Variants in BTBD16 observed in about 807,000 individuals in gnomAD.
BTBD16 encodes the protein BTB domain containing 16.
Under a neutral mutation model 67.4 loss-of-function variants are expected in BTBD16, and 66 were observed. The ratio of observed to expected loss-of-function variants is 0.98; its 90% CI spans 0.80 to 1.20. The LOEUF (loss-of-function observed/expected upper bound fraction) is 1.20, where lower values mean the gene tolerates loss of function less well. Ranked by LOEUF, BTBD16 falls within the 50% of genes most tolerant of loss-of-function variation. BTBD16 has a pLI of 0.00. For synonymous variants in BTBD16, 242 were observed against 236.4 expected (o/e 1.02, Z -0.22); for missense variants, 634 against 616.0 (o/e 1.03, Z -0.31).
At chr10:122,288,147 G>A (rs2096367180) in intron 5 of BTBD16, among the ~76,000 whole-genome samples, 1 of 152,150 alleles carries the variant, frequency 6.6e-6, no homozygotes, top group Non-Finnish European at 1.5e-5. Flanking sequence ...GGGAAAGCAT[G>A]ACAAATATTG....
intron 3 of BTBD16, among the ~76,000 whole-genome samples, chr10:122,279,306 C>T (rs1203659467): frequency 1.3e-5 from 2 of 151,906 alleles, no homozygotes; most frequent in Non-Finnish European, 2.9e-5. Flanking sequence ...TGGTGAGACC[C>T]TGTCTTTACA....
chr10:122,295,628 G>T (rs1033726185), intron 7 of BTBD16, among the ~76,000 whole-genome samples: 1 of 152,182 alleles, frequency 6.6e-6, no homozygotes, highest in Non-Finnish European at 1.5e-5. Context: ...TCTGAACTAG[G>T]CAGGGGAAGT....
chr10:122,279,549 T>A (rs2096348164), intron 3 of BTBD16, among the ~76,000 whole-genome samples: 1 of 54,720 alleles, frequency 1.8e-5, no homozygotes, highest in African/African-American at 4.3e-5. Context: ...CACACACATC[T>A]TTTCTTTGTG....
rs144373790 is a variant in BTBD16, at chr10:122,330,883, C to A, written c.1004-293C>A. ...AGCTGGGATTAAAGATGTGCACCAC[C>A]ACGCGCAGCTAGTTTTAGTAGTGGT... On this transcript the variant is annotated intron_variant, in intron 11 of 15. Transcript: ENST00000260723. 1.5e-4 allele frequency among the ~76,000 whole-genome samples: 23 copies of A among 152,336 alleles called. 1 individual carries two copies. The highest frequency in any genetic ancestry group is 1.2e-3 in the East Asian group (6 of 5,190).
chr10:122,277,124 T>A (rs1400941133), intron 3 of BTBD16, among the ~76,000 whole-genome samples, 185 bp downstream of exon 3: 2 of 151,848 alleles, frequency 1.3e-5, no homozygotes, highest in African/African-American at 4.8e-5. Context: ...TCTGAGAATG[T>A]GGGTGGTTAC....
chr10:122,299,186 A>G, intron 9 of BTBD16, 52 bp downstream of exon 9: 1 of 1,599,982 alleles, frequency 6.3e-7, no homozygotes, highest in Non-Finnish European at 8.5e-7. Flanking sequence ...GGGAGAAAGT[A>G]GGGGCCAGGC....
At chr10:122,316,368 C>G (rs907988260) in intron 10 of BTBD16, among the ~76,000 whole-genome samples, 1 of 152,200 alleles carries the variant, frequency 6.6e-6, no homozygotes, top group Non-Finnish European at 1.5e-5. Flanking sequence ...TTCTATCACT[C>G]TAGATTTGTT....
chr10:122,337,595 G>C (rs1174102228), intron 15 of BTBD16, among the ~76,000 whole-genome samples: 1 of 152,164 alleles, frequency 6.6e-6, no homozygotes, highest in Non-Finnish European at 1.5e-5. Context: ...CTCCTGATTA[G>C]CTGGGACTAC....
intron 10 of BTBD16, among the ~76,000 whole-genome samples, chr10:122,312,560 C>T (rs532095371): frequency 5.3e-5 from 8 of 151,930 alleles, no homozygotes; most frequent in South Asian, 2.1e-4. Flanking sequence ...GTGATCCACC[C>T]GCCTTGGTCT....
In BTBD16 at chr10:122,329,473, T is replaced by C. The variant is rs775494647; in HGVS notation, c.912-7T>C. The C allele has an allele frequency of 2.5e-6, 4 of 1,613,572 alleles. No individual in the cohort carries two copies. The highest frequency in any genetic ancestry group is 1.1e-5 in the South Asian group (1 of 91,082). ...GGTCTGTTATTCTTCTTTATGCCTCTGCTAAGCTTTCCTGAGAACTGTTGC... is the reference window on the plus strand; with the variant it reads ...GGTCTGTTATTCTTCTTTATGCCTCCGCTAAGCTTTCCTGAGAACTGTTGC... On this transcript the variant is annotated splice_region_variant and splice_polypyrimidine_tract_variant and intron_variant, in intron 10 of 15. Transcript: ENST00000260723.
chr10:122,307,561 A>G (rs1186121175), intron 10 of BTBD16, among the ~76,000 whole-genome samples: 3 of 152,140 alleles, frequency 2.0e-5, no homozygotes, highest in Non-Finnish European at 4.4e-5. Flanking sequence ...GTCCAGTAAC[A>G]GGCATGAGGC....
chr10:122,307,212 A>C lies in BTBD16; in HGVS notation c.815A>C (p.His272Pro). 6.2e-7 allele frequency: 1 copy of C among 1,605,282 alleles called. No homozygotes were observed. Among genetic ancestry groups the C allele is most frequent in the Non-Finnish European group, 8.5e-7 (1 of 1,177,466 alleles). Residue 272 changes from histidine to proline, a missense_variant, in exon 10 of 16, where the codon CAT (histidine) becomes CCT (proline). Transcript: ENST00000260723. Reference sequence around the variant, plus strand: ...AGGTTATTTACCTTTAGTGAATTCCATCTTCTGAAAACAATGCTTTTGTGG... The same window carrying C: ...AGGTTATTTACCTTTAGTGAATTCCCTCTTCTGAAAACAATGCTTTTGTGG... ...SPRLFTFSEFHLLKTMLLWVF... is the reference protein window; with the variant it reads ...SPRLFTFSEFPLLKTMLLWVF...
At chr10:122,315,379 A>G (rs1158227307) in intron 10 of BTBD16, among the ~76,000 whole-genome samples, 3 of 152,200 alleles carry the variant, frequency 2.0e-5, no homozygotes, top group Admixed American at 6.5e-5. Context: ...AAGCAATATT[A>G]TCCTCTTTTA....
intron 2 of BTBD16, 72 bp from the exon 3 acceptor site, chr10:122,276,719 C>A: frequency 6.4e-7 from 1 of 1,573,476 alleles, no homozygotes; most frequent in African/African-American, 1.4e-5. Context: ...TCTTGCTATA[C>A]AATTTGGAAA....
At chr10:122,299,868 C>A (rs571798456) in intron 9 of BTBD16, among the ~76,000 whole-genome samples, 1 of 152,308 alleles carries the variant, frequency 6.6e-6, no homozygotes, top group African/African-American at 2.4e-5. Flanking sequence ...AATCGCATCT[C>A]TAGCCAACAG....
chr10:122,336,137 A>G (rs1343381649), intron 14 of BTBD16, among the ~76,000 whole-genome samples: 6 of 152,204 alleles, frequency 3.9e-5, no homozygotes, highest in Non-Finnish European at 8.8e-5. Context: ...GCATCTCCCT[A>G]CACAATGAAT....
intron 13 of BTBD16, 176 bp downstream of exon 13, chr10:122,332,689 C>T (rs2096457137): frequency 1.5e-6 from 1 of 658,482 alleles, no homozygotes; most frequent in Non-Finnish European, 1.9e-6. Context: ...ATAAAATTCA[C>T]AAGGGAGGGG....
intron 10 of BTBD16, among the ~76,000 whole-genome samples, chr10:122,325,898 A>G (rs538753608): frequency 3.3e-5 from 5 of 151,502 alleles, no homozygotes; most frequent in Non-Finnish European, 7.4e-5. Context: ...CTGGTCTCCA[A>G]CTCCTGACCT....
In BTBD16 at chr10:122,332,487, G is replaced by A. The variant is rs201852069; in HGVS notation, c.1138G>A (p.Val380Met). Residue 380 changes from valine (V) to methionine (M), a missense_variant, in exon 13 of 16, where the codon GTG becomes ATG. Val to Met is a conservative substitution (Grantham distance 21, BLOSUM62 1). Coordinates refer to ENST00000260723, the MANE Select transcript of BTBD16 (RefSeq NM_144587.5). ...CCTGAAAGATCTTAACACCCAGGCT[G>A]TGAGATTTGGGCTGCTCTTTAACCA... ...VHLKDLNTQA[V>M]RFGLLFNQEN... 3.6e-4 allele frequency: 579 copies of A among 1,614,060 alleles called. 4 individuals carry two copies. In the South Asian group the frequency reaches 5.9e-3, roughly 16 times the overall value.
Sources: allele counts gnomAD v4.1 joint callset (sites outside exome capture counted in the v4.1 genomes callset), GRCh38; gene constraint gnomAD v4.1.1; transcripts MANE v1.5; gene names NCBI Gene and HGNC (gene_info 2026-07-23, HGNC 2026-07-21).